Variants in MGAT4C observed in about 807,000 individuals in gnomAD.
MGAT4C encodes MGAT4 family member C, also known as alpha-1,3-mannosyl-glycoprotein 4-beta-N-acetylglucosaminyltransferase C.
MGAT4C carries 19 observed loss-of-function variants against 40.1 expected under a neutral mutation model. That is an observed-to-expected ratio of 0.47 (90% confidence interval 0.33 to 0.70). The LOEUF (loss-of-function observed/expected upper bound fraction) is 0.70, where lower values mean the gene tolerates loss of function less well. Among genes scored for constraint, MGAT4C ranks in the 30% least tolerant of loss-of-function variants. The probability of loss-of-function intolerance (pLI) is 0.02; values close to 1 mark genes in which losing one functional copy is unlikely to be tolerated. For synonymous variants in MGAT4C, 181 were observed against 187.1 expected, an observed-to-expected ratio of 0.97 and a Z score of 0.27; for missense variants, 491 against 563.2, an observed-to-expected ratio of 0.87 and a Z score of 1.30.
chr12:86,308,063 AT>A (rs1953984104), intron 4 of MGAT4C, among the ~76,000 whole-genome samples: 1 of 149,634 alleles, frequency 6.7e-6, no homozygotes, highest in African/African-American at 2.5e-5. Context: ...TTATTTGTAT[AT>A]TTTTGTGTTA....
chr12:86,408,448 A>ACT (rs1174416641), intron 3 of MGAT4C, among the ~76,000 whole-genome samples: 750 of 29,202 alleles, frequency 0.026, 18 homozygotes, highest in Middle Eastern at 0.077. Flanking sequence ...TACATAGTAA[A>ACT]CTCTCTCTCT....
chr12:86,792,272 G>A (rs968276058), intron 1 of MGAT4C, among the ~76,000 whole-genome samples: 17 of 152,176 alleles, frequency 1.1e-4, no homozygotes, highest in Admixed American at 4.6e-4. Context: ...CAGACATTCA[G>A]TAATTAAGAT....
chr12:86,048,879 T>C (rs1380890039), intron 2 of MGAT4C, among the ~76,000 whole-genome samples: 2 of 151,978 alleles, frequency 1.3e-5, no homozygotes, highest in Non-Finnish European at 2.9e-5. Flanking sequence ...CATTAATAAA[T>C]GGAATCCAGG....
At chr12:86,230,886 T>C (rs1951292000) in intron 1 of MGAT4C, among the ~76,000 whole-genome samples, 1 of 151,954 alleles carries the variant, frequency 6.6e-6, no homozygotes, top group African/African-American at 2.4e-5. Flanking sequence ...TTTTTTTACT[T>C]TTTTCCTAAT....
intron 1 of MGAT4C, among the ~76,000 whole-genome samples, chr12:86,782,982 A>G (rs1384791855): frequency 6.6e-6 from 1 of 152,164 alleles, no homozygotes; most frequent in Non-Finnish European, 1.5e-5. Context: ...GACTAATATA[A>G]TTTATAACAG....
intron 3 of MGAT4C, among the ~76,000 whole-genome samples, chr12:86,363,832 C>T (rs1396534536): frequency 6.6e-6 from 1 of 151,620 alleles, no homozygotes; most frequent in African/African-American, 2.4e-5. Flanking sequence ...CATAGCTATT[C>T]AATATATAAT....
chr12:86,778,124 T>C (rs1951775257), intron 1 of MGAT4C, among the ~76,000 whole-genome samples: 2 of 152,094 alleles, frequency 1.3e-5, no homozygotes, highest in Non-Finnish European at 2.9e-5. Flanking sequence ...CAGCTTTCTA[T>C]CATATAAAAA....
At chr12:86,752,085 A>T (rs887321169) in intron 1 of MGAT4C, among the ~76,000 whole-genome samples, 1 of 152,058 alleles carries the variant, frequency 6.6e-6, no homozygotes, top group Non-Finnish European at 1.5e-5. Context: ...AGATTGAATG[A>T]GATAATTAAA....
intron 3 of MGAT4C, among the ~76,000 whole-genome samples, chr12:86,383,231 AAGG>A (rs1278944221): frequency 1.3e-5 from 2 of 152,106 alleles, no homozygotes; most frequent in African/African-American, 2.4e-5. Flanking sequence ...CATGAAGTCA[AAGG>A]AGATCATTTT....
At chr12:86,062,238 C>T (rs1894061344) in intron 1 of MGAT4C, among the ~76,000 whole-genome samples, 1 of 152,188 alleles carries the variant, frequency 6.6e-6, no homozygotes, top group South Asian at 2.1e-4. Flanking sequence ...CAAACACGGT[C>T]TGGAATGGCC....
At chr12:86,333,384 G>A (rs192921281) in intron 4 of MGAT4C, among the ~76,000 whole-genome samples, 1 of 152,190 alleles carries the variant, frequency 6.6e-6, no homozygotes, top group Non-Finnish European at 1.5e-5. Context: ...CAGGCCTTAC[G>A]TCCTCTCTAA....
chr12:86,082,777 A>T, intron 1 of MGAT4C, among the ~76,000 whole-genome samples: 1 of 152,154 alleles, frequency 6.6e-6, no homozygotes, highest in Non-Finnish European at 1.5e-5. Context: ...GGTTTTTACA[A>T]ATCCAAAGTT....
rs1455360494 is a variant in MGAT4C at position 85,965,589 on chromosome 12, T to A, written c.*13700A>T. On this transcript the variant is annotated 3_prime_UTR_variant, in exon 5 of 5. Transcript: ENST00000611864. ...TCCGGCCTGGGCAAAAGAGTGAGAC[T>A]CTGTCTCAAAAAAAAAAAAAAAAAA... 1 of 110,008 alleles carries A rather than the reference T, an allele frequency of 9.1e-6. No individual in the cohort carries two copies. Among genetic ancestry groups the A allele is most frequent in the African/African-American group, 3.7e-5 (1 of 27,380 alleles). The allele number at this position is 110,008 out of a possible 1,614,324, so 6.8% of individuals were successfully genotyped here.
intron 3 of MGAT4C, among the ~76,000 whole-genome samples, chr12:86,337,588 A>AG (rs1157955643): frequency 7.0e-6 from 1 of 143,720 alleles, no homozygotes; most frequent in East Asian, 2.0e-4. Flanking sequence ...TCTTGTCTCA[A>AG]AAAAAAAAAA....
chr12:86,487,356 T>C (rs570601546), intron 2 of MGAT4C, among the ~76,000 whole-genome samples: 1 of 152,302 alleles, frequency 6.6e-6, no homozygotes, highest in African/African-American at 2.4e-5. Flanking sequence ...GCCCTGGAAA[T>C]TGTTTTGCTC....
In MGAT4C at chr12:86,236,057, G is replaced by T. The variant is rs373139855; in HGVS notation, c.-57+20182C>A. Among the ~76,000 whole-genome samples, 22 of 152,124 alleles carry T rather than the reference G, an allele frequency of 1.4e-4. No individual in the cohort carries two copies. In the East Asian group the frequency reaches 3.5e-3, roughly 24 times the overall value. On this transcript the variant is annotated intron_variant, in intron 1 of 4. Transcript: ENST00000611864. ...TTTTTTCTTTGCAGCAGACTGAAAG[G>T]TCTAATTTATGGCCATTTAAAATGT...
intron 1 of MGAT4C, among the ~76,000 whole-genome samples, chr12:86,126,496 A>G (rs1445029674): frequency 6.6e-6 from 1 of 152,178 alleles, no homozygotes; most frequent in East Asian, 1.9e-4. Flanking sequence ...ATATTTTCCA[A>G]AAACTATTGC....
At chr12:86,521,368 T>A (rs779665477) in intron 2 of MGAT4C, among the ~76,000 whole-genome samples, 1 of 152,120 alleles carries the variant, frequency 6.6e-6, no homozygotes, top group Non-Finnish European at 1.5e-5. Flanking sequence ...TTGTCAAGGA[T>A]CAGATAGTGC....
At chr12:86,800,898 T>C (rs1427254617) in intron 1 of MGAT4C, among the ~76,000 whole-genome samples, 1 of 151,876 alleles carries the variant, frequency 6.6e-6, no homozygotes, top group African/African-American at 2.4e-5. Flanking sequence ...CTAAGTCAGT[T>C]TTAGCCAGAA....
Sources: gnomAD v4.1 joint callset for allele counts (sites outside exome capture counted in the v4.1 genomes callset) on GRCh38, gnomAD v4.1.1 for gene constraint, MANE v1.5 for transcripts, NCBI Gene and HGNC (gene_info 2026-07-23, HGNC 2026-07-21) for gene names.